MDFIC: variants seen among roughly 807,000 people sequenced by gnomAD.
MDFIC encodes the protein myoD family inhibitor domain-containing protein.
Under a neutral mutation model 23.2 loss-of-function variants are expected in MDFIC, and 17 were observed. That is an observed-to-expected ratio of 0.73 (90% CI 0.50 to 1.10). MDFIC has a LOEUF of 1.10. MDFIC is among the 50% of genes least tolerant of loss of function. The probability of loss-of-function intolerance (pLI) is 0.00; values close to 1 mark genes in which losing one functional copy is unlikely to be tolerated. For missense variants in MDFIC, 356 were observed against 316.6 expected, an observed-to-expected ratio of 1.12 and a Z score of -0.95; for synonymous variants, 120 against 115.2, an observed-to-expected ratio of 1.04 and a Z score of -0.27.
intron 3 of MDFIC, among the ~76,000 whole-genome samples, chr7:114,949,876 G>A (rs987464029): frequency 5.9e-5 from 9 of 152,142 alleles, no homozygotes; most frequent in Non-Finnish European, 7.4e-5. Flanking sequence ...GAAGCTGTTC[G>A]TGGGAGGGAC....
intron 4 of MDFIC, among the ~76,000 whole-genome samples, chr7:115,015,044 G>A (rs1006564744): frequency 1.3e-5 from 2 of 152,150 alleles, no homozygotes; most frequent in East Asian, 3.9e-4. Flanking sequence ...TTTGTTAGAA[G>A]TAGGCAGAAG....
chr7:114,997,245 G>A lies in MDFIC; in HGVS notation c.493+17464G>A, dbSNP rs1486436946. ...AGTAAAAATGTTAGGATATAAAGGC[G>A]AATGTTTTTAGAATGGGGTACATGG... On this transcript the variant is annotated intron_variant, in intron 4 of 4. Transcript: ENST00000393486. 7.2e-5 allele frequency among the ~76,000 whole-genome samples: 11 copies of A among 152,256 alleles called. No individual in the cohort carries two copies. The East Asian group carries it at 9.6e-4, about 13-fold the overall frequency.
intron 4 of MDFIC, among the ~76,000 whole-genome samples, chr7:114,994,420 A>C (rs1341408292): frequency 6.6e-6 from 1 of 152,090 alleles, no homozygotes; most frequent in Non-Finnish European, 1.5e-5. Context: ...TTTGCTCCTT[A>C]GTTGATGCAG....
chr7:115,008,987 G>A (rs192862975), intron 4 of MDFIC, among the ~76,000 whole-genome samples: 5 of 152,286 alleles, frequency 3.3e-5, no homozygotes, highest in Admixed American at 3.3e-4. Context: ...CTGTGGCGTT[G>A]ATGTTAAAGC....
chr7:114,955,294 C>T (rs1042201546), intron 3 of MDFIC, among the ~76,000 whole-genome samples: 2 of 152,096 alleles, frequency 1.3e-5, no homozygotes, highest in Admixed American at 6.6e-5. Context: ...CATGAACTTT[C>T]GCCATAGCCA....
chr7:114,980,770 G>A (rs1475616109), intron 4 of MDFIC, among the ~76,000 whole-genome samples: 1 of 152,028 alleles, frequency 6.6e-6, no homozygotes, highest in Non-Finnish European at 1.5e-5. Flanking sequence ...GAGAAATTTT[G>A]TGGAATGCCT....
chr7:114,940,525 C>T (rs1792517882), intron 2 of MDFIC, among the ~76,000 whole-genome samples: 1 of 152,174 alleles, frequency 6.6e-6, no homozygotes, highest in Non-Finnish European at 1.5e-5. Context: ...CTTCTTGGTA[C>T]TTGGTACTCT....
intron 3 of MDFIC, among the ~76,000 whole-genome samples, chr7:114,960,623 A>G (rs1368246169): frequency 2.0e-5 from 3 of 152,216 alleles, no homozygotes; most frequent in Non-Finnish European, 4.4e-5. Context: ...AAATATGCAC[A>G]AGAATATTAT....
chr7:114,923,109 C>A lies in MDFIC; in HGVS notation c.76C>A (p.Leu26Met). ...CGTGGCCGAGGCGGGCGGCGGCCAG[C>A]TGGGCTCCACAGCCCAGGGTGAGTG... The part of the protein sequence containing the change: ...QRVAEAGGGQ[L>M]GSTAQGKCDK... The change falls in exon 2 of 5, where the codon CTG becomes ATG. Residue 26 changes from leucine (L) to methionine (M), a missense_variant. Physicochemically the swap from Leu to Met is conservative, Grantham distance 15. Coordinates refer to ENST00000393486, the MANE Select transcript of MDFIC (RefSeq NM_001166345.3). 6.8e-7 allele frequency: 1 copy of A among 1,468,704 alleles called. No individual in the cohort carries two copies. The highest frequency in any genetic ancestry group is 9.0e-7 in the Non-Finnish European group (1 of 1,113,454). The allele number at this position is 1,468,704 out of a possible 1,614,324, so 91.0% of individuals were successfully genotyped here.
intron 4 of MDFIC, among the ~76,000 whole-genome samples, chr7:115,010,644 A>G (rs891394280): frequency 6.6e-6 from 1 of 152,164 alleles, no homozygotes; most frequent in East Asian, 1.9e-4. Flanking sequence ...GAGTAACCCA[A>G]AGTGCTTTTC....
At position 114,922,638 on chromosome 7, in the gene MDFIC, T is replaced by G; in HGVS notation, c.-108+2T>G. On this transcript the variant is annotated splice_donor_variant, in intron 1 of 4. Transcript: ENST00000393486. LOFTEE classifies it low-confidence loss of function (5UTR_SPLICE). ...GAGCGACTACGGGGGGATGCGGAGGTAGGTAGTGGTCTCCGGGCGGGGAAG... is the reference window on the plus strand; with the variant it reads ...GAGCGACTACGGGGGGATGCGGAGGGAGGTAGTGGTCTCCGGGCGGGGAAG... 3 of 1,289,314 alleles carry G rather than the reference T, an allele frequency of 2.3e-6. No homozygotes were observed. Among genetic ancestry groups the G allele is most frequent in the South Asian group, 5.6e-5 (2 of 35,408 alleles). The allele number at this position is 1,289,314 out of a possible 1,614,324, so 79.9% of individuals were successfully genotyped here.
chr7:114,979,427 T>C, intron 3 of MDFIC, 79 bp from the exon 4 acceptor site: 1 of 1,398,398 alleles, frequency 7.2e-7, no homozygotes, highest in Non-Finnish European at 9.5e-7. Context: ...AAATCTCTGT[T>C]ACTGAATGTA....
At chr7:114,967,500 T>C (rs1189083002) in intron 3 of MDFIC, among the ~76,000 whole-genome samples, 1 of 152,196 alleles carries the variant, frequency 6.6e-6, no homozygotes, top group Non-Finnish European at 1.5e-5. Context: ...TATGGAATCT[T>C]TGTCTTTCAT....
At chr7:114,938,531 G>A (rs375881906) in intron 2 of MDFIC, among the ~76,000 whole-genome samples, 4 of 152,090 alleles carry the variant, frequency 2.6e-5, no homozygotes, top group African/African-American at 9.7e-5. Context: ...ACACACTTGA[G>A]TTGAAATCTC....
chr7:115,014,086 C>T (rs1791741853), intron 4 of MDFIC: 1 of 985,252 alleles, frequency 1.0e-6, no homozygotes, highest in African/African-American at 1.7e-5. Context: ...TTTGAGTACT[C>T]TCTGACCCTT....
intron 3 of MDFIC, among the ~76,000 whole-genome samples, chr7:114,944,657 A>G (rs1258255685): frequency 3.3e-5 from 5 of 152,200 alleles, no homozygotes. Context: ...GTCATTGGCC[A>G]TCTCTGTGTA....
In MDFIC at chr7:115,018,357, T is replaced by G. The variant is rs1447625698; in HGVS notation, c.*2422T>G. The G allele has an allele frequency of 6.6e-6, 1 of 151,964 alleles. No homozygotes were observed. Among genetic ancestry groups the G allele is most frequent in the African/African-American group, 2.4e-5 (1 of 41,378 alleles). The allele number at this position is 151,964 out of a possible 1,614,324, so 9.4% of individuals were successfully genotyped here. The stretch of plus-strand genomic sequence containing the variant: ...AAGTGGTTTGTCTAATATTTAAACA[T>G]GTACTGGCACAATTTGTGATGAAAA... On this transcript the variant is annotated 3_prime_UTR_variant, in exon 5 of 5. Coordinates refer to ENST00000393486, the MANE Select transcript of MDFIC (RefSeq NM_001166345.3).
intron 3 of MDFIC, among the ~76,000 whole-genome samples, chr7:114,973,731 A>T (rs1793254152): frequency 6.6e-6 from 1 of 152,002 alleles, no homozygotes; most frequent in Non-Finnish European, 1.5e-5. Context: ...TCATCTGGAG[A>T]TTTATTTTGC....
intron 4 of MDFIC, among the ~76,000 whole-genome samples, chr7:114,985,062 T>C (rs930123691): frequency 1.3e-5 from 2 of 152,166 alleles, no homozygotes; most frequent in African/African-American, 4.8e-5. Context: ...TGTGGTATAG[T>C]AATTAGAGCA....
Sources: gnomAD v4.1 joint callset for allele counts (sites outside exome capture counted in the v4.1 genomes callset) on GRCh38, gnomAD v4.1.1 for gene constraint, MANE v1.5 for transcripts, NCBI Gene and HGNC (gene_info 2026-07-23, HGNC 2026-07-21) for gene names.